CTNNA3: variants seen among roughly 807,000 people sequenced by gnomAD.
CTNNA3 encodes the protein catenin alpha-3.
Under a neutral mutation model 95.7 loss-of-function variants are expected in CTNNA3, and 76 were observed. That is an observed-to-expected ratio of 0.79 (90% CI 0.66 to 0.96). The LOEUF (loss-of-function observed/expected upper bound fraction) is 0.96. Ranked by LOEUF, CTNNA3 falls within the 40% of genes least tolerant of loss-of-function variation. The pLI is 0.00. For synonymous variants in CTNNA3, 431 were observed against 374.4 expected (o/e 1.15, Z -1.74); for missense variants, 1,191 against 1,089.8 (o/e 1.09, Z -1.31).
chr10:66,069,345 T>C lies in CTNNA3; in HGVS notation c.2122A>G (p.Met708Val), dbSNP rs148554495. Residue 708 changes from methionine to valine, a missense_variant, in exon 15 of 18, where the codon ATG (methionine) becomes GTG (valine). Transcript: ENST00000433211. ...GTCATCTCCATCATGATCATACACA[T>C]GTTCTTGGCCAGAACAATGATGTCG... ...SNDIIVLAKN[M>V]CMIMMEMTDF... 2.7e-5 allele frequency: 43 copies of C among 1,613,684 alleles called. 1 individual carries two copies. In the Middle Eastern group the frequency reaches 1.5e-3, roughly 56 times the overall value.
chr10:66,949,376 G>C (rs1589473511), intron 7 of CTNNA3, among the ~76,000 whole-genome samples: 1 of 152,052 alleles, frequency 6.6e-6, no homozygotes, highest in Admixed American at 6.6e-5. Flanking sequence ...GACCAACATG[G>C]AGAAACCCCG....
At chr10:67,016,144 A>C (rs1852645102) in intron 7 of CTNNA3, among the ~76,000 whole-genome samples, 1 of 152,136 alleles carries the variant, frequency 6.6e-6, no homozygotes, top group Non-Finnish European at 1.5e-5. Flanking sequence ...TGTGAAACAG[A>C]AAATGGTAGT....
chr10:66,943,108 A>G lies in CTNNA3; in HGVS notation c.1048-167584T>C, dbSNP rs563445738. ...GGAAATTTACTTCACAAAGCATTGGATTTTCTCAAGAGACAAATTTGATAC... is the reference window on the plus strand; with the variant it reads ...GGAAATTTACTTCACAAAGCATTGGGTTTTCTCAAGAGACAAATTTGATAC... On this transcript the variant is annotated intron_variant, in intron 7 of 17. Transcript: ENST00000433211. 3.9e-5 allele frequency among the ~76,000 whole-genome samples: 6 copies of G among 152,308 alleles called. No homozygotes were observed. The East Asian group carries it at 9.7e-4, about 25-fold the overall frequency.
chr10:67,683,158 C>A (rs373192663), intron 1 of CTNNA3, among the ~76,000 whole-genome samples: 3 of 152,284 alleles, frequency 2.0e-5, no homozygotes, highest in Admixed American at 6.5e-5. Flanking sequence ...ATAGAAATTG[C>A]AGAGTCTAAC....
intron 13 of CTNNA3, among the ~76,000 whole-genome samples, chr10:66,217,286 G>T (rs1177968798): frequency 6.7e-6 from 1 of 150,366 alleles, no homozygotes; most frequent in African/African-American, 2.4e-5. Context: ...CCGAGAGGCA[G>T]AGGTTGCAGT....
intron 1 of CTNNA3, among the ~76,000 whole-genome samples, chr10:67,682,800 GACAA>G (rs747371080): frequency 3.9e-5 from 6 of 152,080 alleles, no homozygotes; most frequent in Non-Finnish European, 7.4e-5. Flanking sequence ...ACAGCAACAG[GACAA>G]ACAAACAACA....
intron 7 of CTNNA3, among the ~76,000 whole-genome samples, chr10:66,796,790 C>G (rs1841210403): frequency 6.6e-6 from 1 of 151,804 alleles, no homozygotes; most frequent in African/African-American, 2.4e-5. Context: ...TGAAATAAAC[C>G]TCAGCTGTGT....
At chr10:67,030,944 C>T (rs1251640113) in intron 7 of CTNNA3, among the ~76,000 whole-genome samples, 1 of 152,112 alleles carries the variant, frequency 6.6e-6, no homozygotes, top group Non-Finnish European at 1.5e-5. Context: ...GTGGAGGTTG[C>T]AGTGAGCCGA....
At position 67,407,428 on chromosome 10, in the gene CTNNA3, A is replaced by C. The variant is rs371383255; in HGVS notation, c.579+114414T>G. 2.6e-5 allele frequency among the ~76,000 whole-genome samples: 4 copies of C among 152,316 alleles called. No homozygotes were observed. In the East Asian group the frequency reaches 7.7e-4, roughly 29 times the overall value. ...TTGAAGGAACATACCTCTAAATAAT[A>C]AGAGCCATATATGAGAAACCCACAG... is the stretch of plus-strand genomic sequence containing the variant. On this transcript the variant is annotated intron_variant, in intron 5 of 17. Coordinates refer to ENST00000433211, the MANE Select transcript of CTNNA3 (RefSeq NM_013266.4).
At chr10:66,492,475 A>T (rs2131939217) in intron 11 of CTNNA3, among the ~76,000 whole-genome samples, 1 of 150,148 alleles carries the variant, frequency 6.7e-6, no homozygotes, top group South Asian at 2.1e-4. Context: ...TTTGGTAGAG[A>T]CAGGGTCTTG....
At chr10:66,185,933 C>A (rs893411496) in intron 13 of CTNNA3, among the ~76,000 whole-genome samples, 1 of 151,866 alleles carries the variant, frequency 6.6e-6, no homozygotes, top group African/African-American at 2.4e-5. Context: ...CACACTCTCT[C>A]TCTCTATATA....
chr10:66,295,332 G>A (rs777645441), intron 12 of CTNNA3, among the ~76,000 whole-genome samples: 1 of 152,026 alleles, frequency 6.6e-6, no homozygotes, highest in East Asian at 1.9e-4. Flanking sequence ...ATGCATAATC[G>A]TTGGCTTGGT....
At chr10:67,164,685 A>G (rs1861683508) in intron 7 of CTNNA3, among the ~76,000 whole-genome samples, 1 of 152,160 alleles carries the variant, frequency 6.6e-6, no homozygotes, top group African/African-American at 2.4e-5. Flanking sequence ...TTAATAATTA[A>G]CAGTAAACTA....
chr10:67,580,601 A>G (rs1222378635), intron 3 of CTNNA3, among the ~76,000 whole-genome samples: 14 of 151,004 alleles, frequency 9.3e-5, no homozygotes, highest in Admixed American at 3.9e-4. Flanking sequence ...GAAGAAAGTC[A>G]TTGGTAGCTT....
At chr10:66,948,004 T>C (rs1197050237) in intron 7 of CTNNA3, among the ~76,000 whole-genome samples, 1 of 152,262 alleles carries the variant, frequency 6.6e-6, no homozygotes, top group Non-Finnish European at 1.5e-5. Flanking sequence ...AGCAAGTTAC[T>C]GTATAGAATG....
At chr10:67,685,305 C>A (rs1840709209) in intron 1 of CTNNA3, among the ~76,000 whole-genome samples, 1 of 152,222 alleles carries the variant, frequency 6.6e-6, no homozygotes, top group South Asian at 2.1e-4. Flanking sequence ...CTTCCTGATT[C>A]TGTAAGTACT....
intron 7 of CTNNA3, among the ~76,000 whole-genome samples, chr10:67,031,160 T>C (rs952786126): frequency 2.0e-5 from 3 of 152,242 alleles, no homozygotes; most frequent in Non-Finnish European, 4.4e-5. Flanking sequence ...AAAGTTGTAT[T>C]ATTCCAGGTA....
chr10:67,644,926 A>G (rs1304488724), intron 2 of CTNNA3, among the ~76,000 whole-genome samples: 1 of 152,184 alleles, frequency 6.6e-6, no homozygotes, highest in African/African-American at 2.4e-5. Flanking sequence ...TTATATTTAC[A>G]TGTAACAGAA....
rs74233472 is a variant in CTNNA3, at chr10:67,039,510, T to C, written c.1047+140807A>G. Among the ~76,000 whole-genome samples the C allele has an allele frequency of 0.01, 1,561 of 152,258 alleles. 62 individuals are homozygous for C. In the East Asian group the frequency reaches 0.14, roughly 14 times the overall value. On this transcript the variant is annotated intron_variant, in intron 7 of 17. Transcript: ENST00000433211. ...TTTTTAAATTATGCCTCTATTTACC[T>C]ATGGGTGATGCATAATAATTTATTA...
Sources: allele counts gnomAD v4.1 joint callset (sites outside exome capture counted in the v4.1 genomes callset), GRCh38; gene constraint gnomAD v4.1.1; transcripts MANE v1.5; gene names NCBI Gene and HGNC (gene_info 2026-07-23, HGNC 2026-07-21).